RYK: variants seen among roughly 807,000 people sequenced by gnomAD.
The protein encoded by RYK is inactive tyrosine-protein kinase RYK.
A neutral mutation model predicts 70.2 loss-of-function variants in RYK; 21 were observed. That is an observed-to-expected ratio of 0.30 (90% CI 0.21 to 0.43). The LOEUF (loss-of-function observed/expected upper bound fraction) is 0.43. Among genes scored for constraint, RYK ranks in the 20% least tolerant of loss-of-function variants. RYK has a pLI of 1.00. For missense variants in RYK, 604 were observed against 753.3 expected (o/e 0.80, Z 2.32); for synonymous variants, 267 against 278.0 (o/e 0.96, Z 0.39).
intron 2 of RYK, among the ~76,000 whole-genome samples, chr3:134,221,196 CTTTTTTTTTTTTTTTTTTT>C (rs71139519): frequency 1.3e-5 from 1 of 78,562 alleles, no homozygotes; most frequent in Non-Finnish European, 2.3e-5. Context: ...AGTTCTTTTT[CTTTTTTTTTTTTTTTTTTT>C]TTTTTTTGAG....
In RYK at chr3:134,202,755, T is replaced by C. The variant is rs756207481; in HGVS notation, c.763A>G (p.Met255Val). 1.4e-5 allele frequency: 22 copies of C among 1,612,630 alleles called. No homozygotes were observed. In the East Asian group the frequency reaches 4.9e-4, roughly 36 times the overall value. Residue 255 changes from methionine to valine, a missense_variant, in exon 6 of 15, where the codon ATG (methionine) becomes GTG (valine). Physicochemically the swap from Met to Val is conservative, Grantham distance 21 (BLOSUM62 1). This residue lies in a region of RYK where 466 missense variants were observed against 535.9 expected (regional missense o/e 0.87). Coordinates refer to ENST00000623711, the MANE Select transcript of RYK (RefSeq NM_002958.4). ...IILAVLHLHS[M>V]KRIELDDSIS... ...CTGTCATCCAGTTCAATCCTTTTCATACTATGAAGGTGCAAAACAGCTAAT... is the reference window on the plus strand; with the variant it reads ...CTGTCATCCAGTTCAATCCTTTTCACACTATGAAGGTGCAAAACAGCTAAT...
chr3:134,196,107 T>C (rs1338693856), intron 6 of RYK, among the ~76,000 whole-genome samples: 3 of 152,100 alleles, frequency 2.0e-5, no homozygotes, highest in Non-Finnish European at 4.4e-5. Context: ...ACCAAGAAGA[T>C]GATAGGTTCA....
Position 134,222,413 on chromosome 3 carries a change from C to A in RYK, c.354+5G>T. Reference sequence around the variant, plus strand: ...CATGATGTCTGTGGTTAGCCACTCTCTTACCTTGGACTTCGCATGCCAGGT... The same window carrying A: ...CATGATGTCTGTGGTTAGCCACTCTATTACCTTGGACTTCGCATGCCAGGT... On this transcript the variant is annotated splice_donor_5th_base_variant and intron_variant, in intron 2 of 14. Coordinates refer to ENST00000623711, the MANE Select transcript of RYK (RefSeq NM_002958.4). 6.2e-7 allele frequency: 1 copy of A among 1,612,658 alleles called. No homozygotes were observed. Among genetic ancestry groups the A allele is most frequent in the South Asian group, 1.1e-5 (1 of 90,996 alleles).
At chr3:134,247,292 G>A (rs1187909309) in intron 1 of RYK, among the ~76,000 whole-genome samples, 1 of 152,154 alleles carries the variant, frequency 6.6e-6, no homozygotes. Flanking sequence ...GATTTAGAAT[G>A]ACGAAAGTAA....
intron 6 of RYK, among the ~76,000 whole-genome samples, chr3:134,198,592 C>T (rs573308508): frequency 6.6e-6 from 1 of 152,322 alleles, no homozygotes; most frequent in African/African-American, 2.4e-5. Context: ...GCACAATAAG[C>T]CGCAAGTGGG....
intron 13 of RYK, among the ~76,000 whole-genome samples, chr3:134,166,967 G>T (rs1018999514): frequency 1.3e-5 from 2 of 152,004 alleles, no homozygotes; most frequent in African/African-American, 4.8e-5. Flanking sequence ...CTTAAAGTCT[G>T]AAATAATCCT....
intron 3 of RYK, among the ~76,000 whole-genome samples, chr3:134,210,940 G>A (rs1362955309): frequency 2.6e-5 from 4 of 152,166 alleles, no homozygotes; most frequent in Admixed American, 6.5e-5. Context: ...AGGAGTTCAC[G>A]AGCAGAAAGA....
chr3:134,198,254 T>C (rs1000164125), intron 6 of RYK, among the ~76,000 whole-genome samples: 3 of 152,234 alleles, frequency 2.0e-5, no homozygotes, highest in African/African-American at 7.2e-5. Context: ...ACTAACCCTG[T>C]CTTAGAATGA....
chr3:134,158,939 C>T (rs1047628032), intron 14 of RYK, among the ~76,000 whole-genome samples: 1 of 152,166 alleles, frequency 6.6e-6, no homozygotes, highest in African/African-American at 2.4e-5. Context: ...CAGATACTCA[C>T]TTTATATAGA....
chr3:134,230,288 T>C (rs1374706744), intron 1 of RYK, among the ~76,000 whole-genome samples: 3 of 152,204 alleles, frequency 2.0e-5, no homozygotes, highest in African/African-American at 4.8e-5. Context: ...GGTTTCACTA[T>C]GTTGGCCAGA....
At chr3:134,185,406 C>G (rs1308917416) in intron 9 of RYK, among the ~76,000 whole-genome samples, 4 of 152,226 alleles carry the variant, frequency 2.6e-5, no homozygotes, top group Admixed American at 6.5e-5. Flanking sequence ...TTCACTTCGT[C>G]TTGCTTCACT....
chr3:134,217,632 G>A (rs1347007819), intron 2 of RYK, among the ~76,000 whole-genome samples: 1 of 152,174 alleles, frequency 6.6e-6, no homozygotes, highest in Non-Finnish European at 1.5e-5. Context: ...TAGGTGGTAT[G>A]TTAGCTGTTG....
intron 1 of RYK, among the ~76,000 whole-genome samples, chr3:134,237,390 C>G (rs1346353122): frequency 4.6e-5 from 7 of 152,152 alleles, no homozygotes; most frequent in Non-Finnish European, 1.0e-4. Flanking sequence ...GCACATCTCA[C>G]AAACAAGGCT....
At chr3:134,243,885 C>T (rs773866573) in intron 1 of RYK, among the ~76,000 whole-genome samples, 2 of 152,120 alleles carry the variant, frequency 1.3e-5, no homozygotes, top group Non-Finnish European at 2.9e-5. Flanking sequence ...GCAAGTCTCC[C>T]CTACAAAATT....
intron 8 of RYK, among the ~76,000 whole-genome samples, chr3:134,190,429 A>G (rs1163564534): frequency 2.0e-5 from 3 of 152,126 alleles, no homozygotes; most frequent in Non-Finnish European, 2.9e-5. Context: ...ACAAAAATAT[A>G]TATGTACATA....
Position 134,223,240 on chromosome 3 carries a change from C to T in RYK, c.233-701G>A, listed in dbSNP as rs191598014. Among the ~76,000 whole-genome samples the T allele has an allele frequency of 7.9e-5, 12 of 152,244 alleles. No homozygotes were observed. In the East Asian group the frequency reaches 1.3e-3, roughly 17 times the overall value. ...AAAATAAATGAAAAGCCTGGAATGC[C>T]GGAGAAGTGACTCCGAAGTTTCACT... On this transcript the variant is annotated intron_variant, in intron 1 of 14. Coordinates refer to ENST00000623711, the MANE Select transcript of RYK (RefSeq NM_002958.4).
intron 1 of RYK, among the ~76,000 whole-genome samples, chr3:134,240,175 ATTTC>A (rs1336530877): frequency 1.3e-5 from 2 of 152,208 alleles, no homozygotes; most frequent in African/African-American, 4.8e-5. Flanking sequence ...TTTTTTAAGA[ATTTC>A]TTTCAGATAT....
intron 4 of RYK, among the ~76,000 whole-genome samples, chr3:134,208,741 A>T (rs571256929): frequency 1.3e-5 from 2 of 152,336 alleles, no homozygotes; most frequent in South Asian, 4.1e-4. Context: ...TCCTAGCTGC[A>T]CCACTTAGCT....
In RYK at chr3:134,159,226, A is replaced by G. The variant is rs1159949004; in HGVS notation, c.1712+11T>C. 1.2e-6 allele frequency: 2 copies of G among 1,613,620 alleles called. No individual in the cohort carries two copies. Among genetic ancestry groups the G allele is most frequent in the Non-Finnish European group, 1.7e-6 (2 of 1,179,730 alleles). ...AATAAAACTCATGCCTTCAAGCTCA[A>G]AAAAACTCACAATTCATCAGGACAG... On this transcript the variant is annotated intron_variant, in intron 14 of 14. Transcript: ENST00000623711.
Sources: gnomAD v4.1 joint callset for allele counts (sites outside exome capture counted in the v4.1 genomes callset) on GRCh38, gnomAD v4.1.1 for gene constraint, gnomAD v4.1.1 regional missense constraint, MANE v1.5 for transcripts, NCBI Gene and HGNC (gene_info 2026-07-23, HGNC 2026-07-21) for gene names.